FAM107B: variants seen among roughly 807,000 people sequenced by gnomAD.
FAM107B encodes the protein protein FAM107B.
A neutral mutation model predicts 31.5 loss-of-function variants in FAM107B; 21 were observed. That is an observed-to-expected ratio of 0.67 (90% confidence interval 0.47 to 0.96). The LOEUF is 0.96. FAM107B is among the 40% of genes least tolerant of loss of function. The pLI, the probability that FAM107B is intolerant of heterozygous loss-of-function variation, is 0.00. For missense variants in FAM107B, 452 were observed against 377.1 expected (o/e 1.20, Z -1.64); for synonymous variants, 157 against 141.5 (o/e 1.11, Z -0.78).
chr10:14,750,592 A>G (rs1350501965), intron 1 of FAM107B, among the ~76,000 whole-genome samples: 1 of 152,188 alleles, frequency 6.6e-6, no homozygotes, highest in African/African-American at 2.4e-5. Context: ...AGCCTGGGCA[A>G]CAGAGTGAGA....
intron 2 of FAM107B, among the ~76,000 whole-genome samples, chr10:14,539,809 A>T (rs890780794): frequency 2.6e-5 from 4 of 152,158 alleles, no homozygotes; most frequent in Non-Finnish European, 5.9e-5. Flanking sequence ...CACCCAGTTG[A>T]AAGTCCTAGG....
chr10:14,689,110 G>A (rs1855061284), intron 1 of FAM107B, among the ~76,000 whole-genome samples: 2 of 152,126 alleles, frequency 1.3e-5, no homozygotes, highest in Non-Finnish European at 2.9e-5. Context: ...TCCTCAAGAA[G>A]CTCCTGGTGG....
intron 1 of FAM107B, chr10:14,723,756 A>G: frequency 2.6e-6 from 2 of 757,984 alleles, no homozygotes; most frequent in Non-Finnish European, 4.8e-6. Flanking sequence ...TGAAGTGGCC[A>G]GCAATTAGAG....
intron 1 of FAM107B, among the ~76,000 whole-genome samples, chr10:14,755,104 A>G (rs1832901800): frequency 6.6e-6 from 1 of 152,214 alleles, no homozygotes; most frequent in Non-Finnish European, 1.5e-5. Context: ...AGAAACTTAA[A>G]AACCAACCAG....
intron 2 of FAM107B, among the ~76,000 whole-genome samples, chr10:14,645,592 G>A (rs969329657): frequency 5.3e-5 from 8 of 152,192 alleles, no homozygotes; most frequent in Admixed American, 4.6e-4. Context: ...GTAGGGGGAT[G>A]TGGCTGTTAA....
intron 3 of FAM107B, chr10:14,528,151 G>T (rs1032131598): frequency 1.2e-5 from 2 of 162,392 alleles, no homozygotes; most frequent in South Asian, 1.0e-4. Flanking sequence ...TTTCATACAC[G>T]CTATTATTTA....
At chr10:14,712,987 G>A (rs1295163090) in intron 1 of FAM107B, among the ~76,000 whole-genome samples, 2 of 152,126 alleles carry the variant, frequency 1.3e-5, no homozygotes, top group African/African-American at 4.8e-5. Context: ...TTCTGCTGCA[G>A]CCCAGTCCTT....
intron 2 of FAM107B, among the ~76,000 whole-genome samples, chr10:14,572,736 A>ATTTTATATATATATATAT (rs1455058375): frequency 0.1 from 8,672 of 85,500 alleles, 857 homozygotes; most frequent in Non-Finnish European, 0.14. Flanking sequence ...AAAAAAAAAA[A>ATTTTATATATATATATAT]ATTTATATAT....
chr10:14,686,617 T>C (rs559078007), intron 1 of FAM107B, among the ~76,000 whole-genome samples: 2 of 152,294 alleles, frequency 1.3e-5, no homozygotes, highest in South Asian at 4.1e-4. Context: ...GCGAATATTT[T>C]TGGTAAACCT....
chr10:14,683,525 G>T (rs1007908549), intron 1 of FAM107B, among the ~76,000 whole-genome samples: 1 of 152,178 alleles, frequency 6.6e-6, no homozygotes, highest in South Asian at 2.1e-4. Flanking sequence ...CAACCTGCTG[G>T]TCTAAAATTC....
At chr10:14,684,562 A>T (rs1174413378) in intron 1 of FAM107B, among the ~76,000 whole-genome samples, 1 of 152,212 alleles carries the variant, frequency 6.6e-6, no homozygotes, top group Non-Finnish European at 1.5e-5. Flanking sequence ...ATAGCCTAAT[A>T]TGTTAGGATT....
intron 2 of FAM107B, among the ~76,000 whole-genome samples, chr10:14,580,983 C>A (rs1372539851): frequency 6.6e-6 from 1 of 152,230 alleles, no homozygotes; most frequent in Non-Finnish European, 1.5e-5. Flanking sequence ...TGGCTGAATG[C>A]ACCTGAAGTT....
chr10:14,672,763 G>T (rs1451884324), intron 1 of FAM107B, among the ~76,000 whole-genome samples: 12 of 152,220 alleles, frequency 7.9e-5, no homozygotes, highest in Non-Finnish European at 1.5e-5. Flanking sequence ...TTTTCCTAAG[G>T]TTCACCTGAT....
At chr10:14,628,295 T>C (rs1853228721) in intron 2 of FAM107B, among the ~76,000 whole-genome samples, 1 of 151,984 alleles carries the variant, frequency 6.6e-6, no homozygotes. Flanking sequence ...TTTTTTATAT[T>C]TTTAGCAGAG....
intron 2 of FAM107B, among the ~76,000 whole-genome samples, chr10:14,599,291 G>A (rs1367655218): frequency 6.6e-6 from 1 of 152,132 alleles, no homozygotes; most frequent in Non-Finnish European, 1.5e-5. Flanking sequence ...GCCCCACCAG[G>A]AAGAGGCCTG....
intron 2 of FAM107B, among the ~76,000 whole-genome samples, chr10:14,610,218 T>A (rs1852694112): frequency 6.6e-6 from 1 of 151,900 alleles, no homozygotes; most frequent in African/African-American, 2.4e-5. Context: ...TGATGGGCGC[T>A]TGTAGTCCCA....
chr10:14,710,922 T>G (rs1254377014), intron 1 of FAM107B, among the ~76,000 whole-genome samples: 3 of 107,352 alleles, frequency 2.8e-5, no homozygotes, highest in African/African-American at 7.9e-5. Flanking sequence ...AAGAAATAAT[T>G]TTTTTTTTGA....
intron 1 of FAM107B, among the ~76,000 whole-genome samples, chr10:14,678,871 G>A (rs1352586359): frequency 6.6e-6 from 1 of 152,200 alleles, no homozygotes; most frequent in Non-Finnish European, 1.5e-5. Flanking sequence ...AGTTTAGGTG[G>A]CAGACACATC....
At chr10:14,697,147 G>A (rs1855285226) in intron 1 of FAM107B, among the ~76,000 whole-genome samples, 1 of 152,192 alleles carries the variant, frequency 6.6e-6, no homozygotes, top group East Asian at 1.9e-4. Flanking sequence ...GGCTCTGGCT[G>A]AGGCTATGGA....
Sources: gnomAD v4.1 joint callset for allele counts (sites outside exome capture counted in the v4.1 genomes callset) on GRCh38, gnomAD v4.1.1 for gene constraint, MANE v1.5 for transcripts, NCBI Gene and HGNC (gene_info 2026-07-23, HGNC 2026-07-21) for gene names.